The following ENPP1 variants were observed in gnomAD, a reference collection of about 807,000 sequenced individuals.
ENPP1 encodes the protein ectonucleotide pyrophosphatase/phosphodiesterase 1, also known as ectonucleotide pyrophosphatase/phosphodiesterase family member 1.
Under a neutral mutation model 122.8 loss-of-function variants are expected in ENPP1, and 73 were observed. The observed-to-expected ratio is 0.59, with a 90% CI of 0.49 to 0.72. ENPP1 has a LOEUF of 0.72. Among genes scored for constraint, ENPP1 ranks in the 30% least tolerant of loss-of-function variants. ENPP1 has a pLI of 0.00. For synonymous variants in ENPP1, 367 were observed against 391.6 expected (o/e 0.94, Z 0.74); for missense variants, 978 against 1,128.1 (o/e 0.87, Z 1.91).
At chr6:131,870,348 G>A (rs1782145853) in intron 13 of ENPP1, among the ~76,000 whole-genome samples, 1 of 152,100 alleles carries the variant, frequency 6.6e-6, no homozygotes. Context: ...ACCACATGTG[G>A]AACATAAACT....
chr6:131,865,861 T>C (rs1252238224), intron 11 of ENPP1, among the ~76,000 whole-genome samples: 4 of 151,814 alleles, frequency 2.6e-5, no homozygotes, highest in Non-Finnish European at 4.4e-5. Context: ...CCGGGCCTGG[T>C]GGTGTGTGCC....
rs1447256282 is a variant in ENPP1 at position 131,872,120 on chromosome 6, C to T, written c.1437+19C>T. ...TCTTTCTGTGAGTATCTTTATTTTCCATTATCTAGTTATTTTTACTTTTGT... is the reference window on the plus strand; with the variant it reads ...TCTTTCTGTGAGTATCTTTATTTTCTATTATCTAGTTATTTTTACTTTTGT... On this transcript the variant is annotated intron_variant, in intron 14 of 24. Coordinates refer to ENST00000647893, the MANE Select transcript of ENPP1 (RefSeq NM_006208.3). The T allele has an allele frequency of 2.6e-6, 4 of 1,527,332 alleles. No homozygotes were observed. The highest frequency in any genetic ancestry group is 2.7e-6 in the Non-Finnish European group (3 of 1,106,004). 94.6% of individuals were successfully genotyped at this position (1,527,332 alleles called of 1,614,324 possible).
chr6:131,811,394 C>CTA (rs1441192211), intron 1 of ENPP1, among the ~76,000 whole-genome samples: 1 of 143,760 alleles, frequency 7.0e-6, no homozygotes, highest in African/African-American at 2.8e-5. Flanking sequence ...ATATCTATAT[C>CTA]TATATCTATA....
At chr6:131,835,768 T>C (rs1394385965) in intron 1 of ENPP1, among the ~76,000 whole-genome samples, 2 of 152,148 alleles carry the variant, frequency 1.3e-5, no homozygotes, top group Non-Finnish European at 2.9e-5. Context: ...CCCTCATGTG[T>C]CCATGTGTTC....
Position 131,882,453 on chromosome 6 carries a change from T to A in ENPP1, c.2209T>A (p.Tyr737Asn). 1 of 1,609,092 alleles carries A rather than the reference T, an allele frequency of 6.2e-7. No individual in the cohort carries two copies. Among genetic ancestry groups the A allele is most frequent in the Non-Finnish European group, 8.5e-7 (1 of 1,176,980 alleles). Residue 737 changes from tyrosine (Y) to asparagine (N), a missense_variant, in exon 21 of 25, where the codon TAC (tyrosine) becomes AAC (asparagine). Around this residue, in one of 3 missense-constraint regions of ENPP1, gnomAD observed 644 missense variants for 781.5 expected, o/e 0.82. Coordinates refer to ENST00000647893, the MANE Select transcript of ENPP1 (RefSeq NM_006208.3). ...SFYKNNTKVS[Y>N]GFLSPPQLNK... ...TTATAAAAATAACACCAAAGTGAGT[T>A]ACGGGTTCCTCTCCCCACCACGTAA... is the stretch of plus-strand genomic sequence containing the variant.
intron 1 of ENPP1, among the ~76,000 whole-genome samples, chr6:131,811,660 A>T (rs1288763811): frequency 6.6e-6 from 1 of 152,156 alleles, no homozygotes; most frequent in Admixed American, 6.5e-5. Context: ...GAACATGAAG[A>T]TAGTGGGTGA....
intron 1 of ENPP1, among the ~76,000 whole-genome samples, chr6:131,832,122 C>T (rs1781621689): frequency 6.6e-6 from 1 of 151,050 alleles, no homozygotes; most frequent in African/African-American, 2.4e-5. Flanking sequence ...TTTAGCACTT[C>T]CTTACTTTCT....
At chr6:131,867,759 G>T (rs915253695) in intron 11 of ENPP1, among the ~76,000 whole-genome samples, 3 of 152,094 alleles carry the variant, frequency 2.0e-5, no homozygotes, top group African/African-American at 4.8e-5. Flanking sequence ...AAAATTGAAC[G>T]TGTATAGAAT....
At chr6:131,857,316 C>T (rs1370432268) in intron 6 of ENPP1, among the ~76,000 whole-genome samples, 2 of 146,432 alleles carry the variant, frequency 1.4e-5, no homozygotes, top group African/African-American at 2.7e-5. Flanking sequence ...ACCCAAAGGA[C>T]TATAAATCAT....
At chr6:131,882,564 T>C (rs1266198279) in intron 21 of ENPP1, 90 bp downstream of exon 21, 6 of 456,926 alleles carry the variant, frequency 1.3e-5, no homozygotes, top group Non-Finnish European at 2.3e-5. Context: ...GGGTAATATA[T>C]ATATTACCTA....
At chr6:131,881,967 G>A (rs1030209155) in intron 20 of ENPP1, among the ~76,000 whole-genome samples, 3 of 151,976 alleles carry the variant, frequency 2.0e-5, no homozygotes, top group South Asian at 2.1e-4. Flanking sequence ...GCGGTGAGCC[G>A]AGATTGCGCC....
At chr6:131,844,424 C>CT (rs1385829333) in intron 1 of ENPP1, among the ~76,000 whole-genome samples, 1 of 152,232 alleles carries the variant, frequency 6.6e-6, no homozygotes, top group Non-Finnish European at 1.5e-5. Flanking sequence ...TGCATCATTT[C>CT]TTTCAAAATC....
At chr6:131,809,223 A>T (rs1781319064) in intron 1 of ENPP1, among the ~76,000 whole-genome samples, 1 of 152,230 alleles carries the variant, frequency 6.6e-6, no homozygotes, top group African/African-American at 2.4e-5. Context: ...TTATATGGAA[A>T]TCACAGATTT....
At chr6:131,874,358 T>C in intron 16 of ENPP1, 21 bp downstream of exon 16, 1 of 1,348,530 alleles carries the variant, frequency 7.4e-7, no homozygotes, top group African/African-American at 1.4e-5. Context: ...CTATTATACT[T>C]AATTGGATTA....
chr6:131,860,264 C>T, intron 7 of ENPP1, 123 bp from the exon 8 acceptor site: 1 of 781,138 alleles, frequency 1.3e-6, no homozygotes, highest in African/African-American at 1.8e-5. Context: ...GTTTTTCTTT[C>T]CTTAAACTTA....
At chr6:131,883,889 T>G (rs747050593) in intron 22 of ENPP1, 115 bp downstream of exon 22, 8 of 643,400 alleles carry the variant, frequency 1.2e-5, no homozygotes, top group Non-Finnish European at 5.7e-6. Context: ...CCAAATACAT[T>G]CTTAAAGGTT....
rs142380855 is a variant in ENPP1, at chr6:131,845,043, G to GTTTTTTTTTTTT, written c.241-2715_241-2704dup. ...ATAAATACAATTTCAATTCTTCATG[G>GTTTTTTTTTTTT]TTTTTTTTTTTTTTTTTTTTTTTTT... On this transcript the variant is annotated intron_variant, in intron 1 of 24. Transcript: ENST00000647893. Among the ~76,000 whole-genome samples the GTTTTTTTTTTTT allele has an allele frequency of 5.9e-5, 5 of 84,988 alleles. 1 individual carries two copies. Among genetic ancestry groups the GTTTTTTTTTTTT allele is most frequent in the Non-Finnish European group, 9.0e-5 (4 of 44,668 alleles). The allele number at this position is 84,988 out of a possible 152,430, so 55.8% of individuals were successfully genotyped here. A position where few individuals can be genotyped will look rare whatever the true frequency, so the allele number is the denominator to read the frequency against.
intron 1 of ENPP1, among the ~76,000 whole-genome samples, chr6:131,828,741 G>T (rs1320219432): frequency 6.6e-6 from 1 of 152,170 alleles, no homozygotes; most frequent in Non-Finnish European, 1.5e-5. Flanking sequence ...CTCCAGTCCC[G>T]GGCCCCAGGC....
intron 5 of ENPP1, among the ~76,000 whole-genome samples, chr6:131,853,484 T>C (rs6569762): frequency 0.32 from 49,142 of 151,914 alleles, 13,700 homozygotes; most frequent in African/African-American, 0.76. Context: ...TTTACCAGTA[T>C]GTTTACGTGA....
Sources: gnomAD v4.1 joint callset for allele counts (sites outside exome capture counted in the v4.1 genomes callset) on GRCh38, gnomAD v4.1.1 for gene constraint, gnomAD v4.1.1 regional missense constraint, MANE v1.5 for transcripts, NCBI Gene and HGNC (gene_info 2026-07-23, HGNC 2026-07-21) for gene names.